Variants in AKR1C4 observed in about 807,000 individuals in gnomAD.
AKR1C4 encodes the protein 3-alpha-HSD1.
In AKR1C4, 44 loss-of-function variants were observed where a neutral mutation model predicts 41.0. The ratio of observed to expected loss-of-function variants is 1.07; its 90% CI spans 0.84 to 1.38. The LOEUF (loss-of-function observed/expected upper bound fraction) is 1.38. Ranked by LOEUF, AKR1C4 falls within the 40% of genes most tolerant of loss-of-function variation. The pLI, the probability that AKR1C4 is intolerant of heterozygous loss-of-function variation, is 0.00. For synonymous variants in AKR1C4, 165 were observed against 137.7 expected (o/e 1.20, Z -1.39); for missense variants, 438 against 387.9 (o/e 1.13, Z -1.09).
At chr10:5,200,932 A>C (rs1053545649) in intron 2 of AKR1C4, among the ~76,000 whole-genome samples, 4 of 151,992 alleles carry the variant, frequency 2.6e-5, no homozygotes, top group African/African-American at 4.8e-5. Flanking sequence ...AAAATATATT[A>C]TTTCATTCCT....
chr10:5,217,365 G>A (rs1271518853), intron 8 of AKR1C4, among the ~76,000 whole-genome samples: 2 of 152,158 alleles, frequency 1.3e-5, no homozygotes, highest in African/African-American at 4.8e-5. Flanking sequence ...TTGCCTCCAG[G>A]AAGTTTGCCC....
intron 7 of AKR1C4, among the ~76,000 whole-genome samples, chr10:5,216,144 CAA>C (rs767502706): frequency 1.1e-3 from 169 of 152,164 alleles, no homozygotes; most frequent in Non-Finnish European, 2.0e-3. Context: ...TATCAAATAA[CAA>C]GAGATGAAGA....
chr10:5,203,466 C>T (rs1266560313), intron 2 of AKR1C4, among the ~76,000 whole-genome samples: 2 of 152,158 alleles, frequency 1.3e-5, no homozygotes, highest in Non-Finnish European at 2.9e-5. Context: ...CCTAAATCAG[C>T]TTTGGGCCTG....
chr10:5,207,646 C>T, intron 5 of AKR1C4: 1 of 1,155,352 alleles, frequency 8.7e-7, no homozygotes, highest in Non-Finnish European at 1.2e-6. Flanking sequence ...TTGGCATTTG[C>T]AGCCTACCTG....
intron 1 of AKR1C4, among the ~76,000 whole-genome samples, chr10:5,197,257 T>C (rs555407571): frequency 6.6e-6 from 1 of 152,360 alleles, no homozygotes; most frequent in African/African-American, 2.4e-5. Flanking sequence ...TGCCTGGCAG[T>C]TCCCTTTCTA....
intron 5 of AKR1C4, among the ~76,000 whole-genome samples, chr10:5,211,476 G>GTCA (rs111481000): frequency 0.11 from 17,155 of 152,128 alleles, 1,179 homozygotes; most frequent in Admixed American, 0.17. Context: ...GGGACAAAAT[G>GTCA]TCAATTTCTG....
At chr10:5,214,611 A>G (rs1240795958) in intron 7 of AKR1C4, among the ~76,000 whole-genome samples, 3 of 152,210 alleles carry the variant, frequency 2.0e-5, no homozygotes. Context: ...AGCATTCTTT[A>G]TTAAGGCATT....
chr10:5,215,428 A>G (rs1385484302), intron 7 of AKR1C4, among the ~76,000 whole-genome samples: 1 of 152,192 alleles, frequency 6.6e-6, no homozygotes, highest in Non-Finnish European at 1.5e-5. Flanking sequence ...AAAGAGCTAT[A>G]TTTGGCTCAC....
intron 7 of AKR1C4, among the ~76,000 whole-genome samples, chr10:5,215,214 T>A (rs1832637713): frequency 6.6e-6 from 1 of 152,118 alleles, no homozygotes; most frequent in African/African-American, 2.4e-5. Context: ...ATTTAGACAG[T>A]TTGATGGTGA....
intron 2 of AKR1C4, chr10:5,202,555 G>C: frequency 2.3e-6 from 1 of 430,284 alleles, no homozygotes; most frequent in Non-Finnish European, 4.6e-6. Flanking sequence ...AATAGAAGTG[G>C]TAAAAATTGG....
intron 5 of AKR1C4, among the ~76,000 whole-genome samples, chr10:5,208,344 C>T (rs1271053296): frequency 4.6e-5 from 7 of 151,586 alleles, no homozygotes; most frequent in East Asian, 1.9e-4. Flanking sequence ...AATACAAAAT[C>T]ATGATTTTCA....
chr10:5,217,128 CTTGA>C (rs1832668186), intron 8 of AKR1C4, among the ~76,000 whole-genome samples: 1 of 152,250 alleles, frequency 6.6e-6, no homozygotes, highest in South Asian at 2.1e-4. Context: ...GCCCATATGG[CTTGA>C]TTAATGTTTT....
chr10:5,214,054 G>T (rs2132139059), intron 7 of AKR1C4, among the ~76,000 whole-genome samples: 1 of 151,876 alleles, frequency 6.6e-6, no homozygotes, highest in Non-Finnish European at 1.5e-5. Flanking sequence ...GTAATACAAA[G>T]TAATATATTA....
intron 7 of AKR1C4, among the ~76,000 whole-genome samples, chr10:5,215,352 C>T (rs1364262835): frequency 1.3e-5 from 2 of 151,964 alleles, no homozygotes; most frequent in African/African-American, 4.8e-5. Context: ...CCAACAATAT[C>T]CATCTGTATT....
intron 8 of AKR1C4, 139 bp from the exon 9 acceptor site, chr10:5,218,579 G>A (rs889066996): frequency 1.3e-5 from 7 of 538,756 alleles, no homozygotes; most frequent in African/African-American, 9.8e-5. Context: ...TCATGTTCAT[G>A]AAAGACATTC....
chr10:5,197,062 G>A, intron 1 of AKR1C4, 111 bp downstream of exon 1: 1 of 1,047,576 alleles, frequency 9.5e-7, no homozygotes, highest in Non-Finnish European at 1.5e-6. Flanking sequence ...TGACTCACGT[G>A]GTCTGTCTTA....
intron 2 of AKR1C4, chr10:5,202,454 A>G (rs1554797005): frequency 4.4e-6 from 2 of 455,876 alleles, no homozygotes; most frequent in South Asian, 3.1e-5. Flanking sequence ...GGCAAACAGC[A>G]ATACTTTGGC....
intron 3 of AKR1C4, among the ~76,000 whole-genome samples, chr10:5,205,125 A>G (rs1318655939): frequency 6.6e-6 from 1 of 152,068 alleles, no homozygotes; most frequent in African/African-American, 2.4e-5. Flanking sequence ...AATACATTTC[A>G]AGATTTGACG....
At chr10:5,199,143 G>A in intron 1 of AKR1C4, among the ~76,000 whole-genome samples, 1 of 152,132 alleles carries the variant, frequency 6.6e-6, no homozygotes, top group Non-Finnish European at 1.5e-5. Context: ...GACTGAAGAG[G>A]TCCAGGGATA....
Sources: allele counts gnomAD v4.1 joint callset (sites outside exome capture counted in the v4.1 genomes callset), GRCh38; gene constraint gnomAD v4.1.1; transcripts MANE v1.5; gene names NCBI Gene and HGNC (gene_info 2026-07-23, HGNC 2026-07-21).